The following CPT1A variants were observed in gnomAD, a reference collection of about 807,000 sequenced individuals.
CPT1A encodes carnitine palmitoyltransferase 1A.
A neutral mutation model predicts 100.8 loss-of-function variants in CPT1A; 64 were observed. The observed-to-expected ratio is 0.63, with a 90% CI of 0.52 to 0.78. CPT1A has a LOEUF of 0.78. Among genes scored for constraint, CPT1A ranks in the 30% least tolerant of loss-of-function variants. CPT1A has a pLI of 0.00. For synonymous variants in CPT1A, 363 were observed against 396.0 expected (o/e 0.92, Z 0.99); for missense variants, 802 against 1,034.1 (o/e 0.78, Z 3.08).
intron 1 of CPT1A, among the ~76,000 whole-genome samples, chr11:68,830,211 G>A (rs969280650): frequency 1.3e-5 from 2 of 152,248 alleles, no homozygotes; most frequent in Non-Finnish European, 2.9e-5. Context: ...CTGGGAGGTC[G>A]AGGCTGCAGC....
At chr11:68,776,766 C>G (rs1214818008) in intron 12 of CPT1A, among the ~76,000 whole-genome samples, 2 of 152,194 alleles carry the variant, frequency 1.3e-5, no homozygotes, top group African/African-American at 4.8e-5. Flanking sequence ...GTAATCCCAG[C>G]TACTCGGGAG....
intron 5 of CPT1A, among the ~76,000 whole-genome samples, chr11:68,803,509 G>A (rs1453127322): frequency 6.6e-6 from 1 of 151,988 alleles, no homozygotes; most frequent in Non-Finnish European, 1.5e-5. Context: ...TCAGGAGTTC[G>A]AGACCAGCCT....
upstream of CPT1A, chr11:68,841,996 G>A: frequency 1.0e-6 from 1 of 982,628 alleles, no homozygotes; most frequent in South Asian, 4.5e-5. The surrounding 1 kb of genome is among the most constrained non-coding windows in gnomAD (Gnocchi z 6.3). Flanking sequence ...CCTCGGCGGG[G>A]CGGGGCGTCC....
intron 12 of CPT1A, among the ~76,000 whole-genome samples, chr11:68,775,940 T>C (rs772432573): frequency 3.0e-4 from 46 of 152,238 alleles, no homozygotes; most frequent in Admixed American, 9.2e-4. Context: ...CAGAGCAGCA[T>C]TATTCATAAT....
chr11:68,783,839 C>A (rs1041754426), intron 10 of CPT1A, among the ~76,000 whole-genome samples: 1 of 152,188 alleles, frequency 6.6e-6, no homozygotes, highest in Non-Finnish European at 1.5e-5. Context: ...ACACACCACA[C>A]CTGCGAGAAA....
At chr11:68,784,340 C>T (rs940083060) in intron 10 of CPT1A, among the ~76,000 whole-genome samples, 2 of 152,172 alleles carry the variant, frequency 1.3e-5, no homozygotes, top group Non-Finnish European at 2.9e-5. Flanking sequence ...GTGGGTGGAT[C>T]ACTTGAGGTC....
At chr11:68,839,008 CGA>C (rs1342739017) in intron 1 of CPT1A, among the ~76,000 whole-genome samples, 13 of 152,014 alleles carry the variant, frequency 8.6e-5, no homozygotes, top group Admixed American at 2.6e-4. Context: ...GAGAGATTCT[CGA>C]GAGATTCTCT....
chr11:68,838,243 C>T (rs567729674), intron 1 of CPT1A, among the ~76,000 whole-genome samples: 1 of 151,930 alleles, frequency 6.6e-6, no homozygotes, highest in Non-Finnish European at 1.5e-5. Flanking sequence ...CAAAGACGTT[C>T]CTGGACCGAA....
At chr11:68,774,904 T>G (rs891135886) in intron 13 of CPT1A, among the ~76,000 whole-genome samples, 4 of 151,992 alleles carry the variant, frequency 2.6e-5, no homozygotes, top group African/African-American at 9.7e-5. Flanking sequence ...AGGGCTCCTG[T>G]GAATGGGCTG....
At position 68,761,550 on chromosome 11, in the gene CPT1A, G is replaced by T. The variant is rs755323437; in HGVS notation, c.2013C>A (p.Ser671=). 1 of 1,613,944 alleles carries T rather than the reference G, an allele frequency of 6.2e-7. No homozygotes were observed. The highest frequency in any genetic ancestry group is 1.6e-4 in the Middle Eastern group (1 of 6,062). ...YVVSKYLAVE[S]PFLKEVLSEP... ...AGAGACTTACTTCCTTAAGGAAAGG[G>T]GACTCCACAGCGAGATATTTAGACA... Residue 671 remains serine (S), a synonymous_variant, in exon 16 of 19, where the codon TCC becomes TCA. Transcript: ENST00000265641.
intron 9 of CPT1A, among the ~76,000 whole-genome samples, chr11:68,791,539 C>A (rs887734521): frequency 1.1e-4 from 16 of 152,074 alleles, no homozygotes; most frequent in African/African-American, 3.9e-4. Context: ...GGAGTGGGTT[C>A]TTTTTTGTTT....
rs771447718 is a variant in CPT1A at position 68,815,349 on chromosome 11, C to T, written c.126G>A (p.Lys42=). 6 of 1,614,156 alleles carry T rather than the reference C, an allele frequency of 3.7e-6. No individual in the cohort carries two copies. The South Asian group carries it at 4.4e-5, about 12-fold the overall frequency. The change falls in exon 2 of 19, where the codon AAG becomes AAA. Residue 42 remains lysine, a synonymous_variant. Coordinates refer to ENST00000265641, the MANE Select transcript of CPT1A (RefSeq NM_001876.4). ...CTCAGAAAACCTTGAATCTGATGAA[C>T]TTCTTTTTCCAGGAATGAAGTCCAG... ...YLSGLHSWKK[K]FIRFKNGIIT...
At chr11:68,810,782 C>A (rs544675302) in intron 3 of CPT1A, among the ~76,000 whole-genome samples, 57 of 152,178 alleles carry the variant, frequency 3.7e-4, no homozygotes, top group African/African-American at 1.3e-3. Flanking sequence ...GTCAATAGTT[C>A]GAGATCAGCC....
chr11:68,805,261 C>A lies in CPT1A; in HGVS notation c.454-1160G>T, dbSNP rs562705575. ...AGCCCAGGAGCTCGAGACCACCTGG[C>A]CAACATGGCGAAACCCTGTCTCTAT... On this transcript the variant is annotated intron_variant, in intron 4 of 18. Transcript: ENST00000265641. 4.5e-4 allele frequency among the ~76,000 whole-genome samples: 69 copies of A among 152,138 alleles called. 1 individual carries two copies. The South Asian group carries it at 0.014, about 32-fold the overall frequency.
intron 1 of CPT1A, chr11:68,818,586 C>T (rs3019608): frequency 0.88 from 134,329 of 152,504 alleles, 60,640 homozygotes; most frequent in Non-Finnish European, 0.98. Flanking sequence ...GGGCCAGGCA[C>T]GATGGCTCAT....
At chr11:68,828,932 T>G (rs1856812880) in intron 1 of CPT1A, among the ~76,000 whole-genome samples, 1 of 152,126 alleles carries the variant, frequency 6.6e-6, no homozygotes, top group Admixed American at 6.5e-5. Flanking sequence ...AACTAGTAGG[T>G]GGCTCCCCCT....
intron 10 of CPT1A, among the ~76,000 whole-genome samples, chr11:68,784,429 G>A (rs1855395806): frequency 6.6e-6 from 1 of 152,180 alleles, no homozygotes; most frequent in Admixed American, 6.6e-5. Flanking sequence ...AGCTACTGGA[G>A]AGGTTGAGGC....
intron 14 of CPT1A, among the ~76,000 whole-genome samples, chr11:68,765,910 C>T (rs1335380010): frequency 4.0e-5 from 6 of 151,292 alleles, no homozygotes; most frequent in Non-Finnish European, 5.9e-5. Flanking sequence ...CTCACTCTGT[C>T]GCCCAGGCTG....
rs748798764 is a variant in CPT1A, at chr11:68,757,600, T to G, written c.*44A>C. Reference sequence around the variant, plus strand: ...ATTAATGCCTATTTTTCATTTGGTTTGCATCAGAAGAGCTCGTTTTCCTTC... The same window carrying G: ...ATTAATGCCTATTTTTCATTTGGTTGGCATCAGAAGAGCTCGTTTTCCTTC... On this transcript the variant is annotated 3_prime_UTR_variant, in exon 19 of 19. Transcript: ENST00000265641. The G allele has an allele frequency of 1.2e-6, 2 of 1,613,996 alleles. No individual in the cohort carries two copies. Among genetic ancestry groups the G allele is most frequent in the South Asian group, 2.2e-5 (2 of 91,074 alleles).
Sources: gnomAD v4.1 joint callset for allele counts (sites outside exome capture counted in the v4.1 genomes callset) on GRCh38, gnomAD v4.1.1 for gene constraint, Gnocchi (gnomAD v3.1) non-coding constraint, MANE v1.5 for transcripts, NCBI Gene and HGNC (gene_info 2026-07-23, HGNC 2026-07-21) for gene names.